Variants in CCSER1 observed in about 807,000 individuals in gnomAD.
CCSER1 encodes coiled-coil serine rich protein 1, also known as serine-rich coiled-coil domain-containing protein 1.
Under a neutral mutation model 82.0 loss-of-function variants are expected in CCSER1, and 41 were observed. That is an observed-to-expected ratio of 0.50 (90% CI 0.39 to 0.65). The LOEUF (loss-of-function observed/expected upper bound fraction) is 0.65, where lower values mean the gene tolerates loss of function less well. Among genes scored for constraint, CCSER1 ranks in the 30% least tolerant of loss-of-function variants. The pLI, the probability that CCSER1 is intolerant of heterozygous loss-of-function variation, is 0.00. For synonymous variants in CCSER1, 414 were observed against 383.9 expected, an observed-to-expected ratio of 1.08 and a Z score of -0.92; for missense variants, 1,119 against 1,064.2, an observed-to-expected ratio of 1.05 and a Z score of -0.72.
chr4:90,612,866 A>T (rs1720515571), intron 5 of CCSER1, among the ~76,000 whole-genome samples: 1 of 152,178 alleles, frequency 6.6e-6, no homozygotes, highest in Non-Finnish European at 1.5e-5. Flanking sequence ...ATTACCTAAG[A>T]AGGGTCAGAG....
intron 1 of CCSER1, among the ~76,000 whole-genome samples, chr4:90,164,209 T>C (rs973319647): frequency 2.0e-5 from 3 of 152,024 alleles, no homozygotes; most frequent in Admixed American, 6.6e-5. Flanking sequence ...AAGGGTTTTT[T>C]TTCAAATCAT....
intron 10 of CCSER1, among the ~76,000 whole-genome samples, chr4:91,398,868 C>G (rs992324736): frequency 6.6e-6 from 1 of 151,750 alleles, no homozygotes; most frequent in Admixed American, 6.6e-5. Context: ...AGTTTCTTAG[C>G]TCAGGGTAGA....
chr4:90,879,747 G>T (rs908143670), intron 8 of CCSER1, among the ~76,000 whole-genome samples: 9 of 152,274 alleles, frequency 5.9e-5, no homozygotes, highest in African/African-American at 1.7e-4. Context: ...TGGTGCAGTT[G>T]TTTGGAGGAC....
intron 4 of CCSER1, among the ~76,000 whole-genome samples, chr4:90,434,921 C>T (rs751959622): frequency 2.4e-4 from 37 of 152,202 alleles, no homozygotes; most frequent in Non-Finnish European, 4.9e-4. Flanking sequence ...ATTTTCATAT[C>T]GGACAACAAT....
intron 1 of CCSER1, among the ~76,000 whole-genome samples, chr4:90,206,392 G>A (rs772616389): frequency 1.3e-4 from 20 of 152,056 alleles, no homozygotes; most frequent in South Asian, 4.2e-4. Flanking sequence ...ATTCTGGTAC[G>A]TTGTGTCTTG....
intron 8 of CCSER1, among the ~76,000 whole-genome samples, chr4:90,922,934 A>T (rs1418968784): frequency 1.3e-5 from 2 of 152,292 alleles, no homozygotes; most frequent in East Asian, 3.9e-4. Context: ...TTTTGGAAAG[A>T]AGAAGCATGA....
At chr4:90,823,174 T>G (rs1040615809) in intron 8 of CCSER1, among the ~76,000 whole-genome samples, 3 of 152,076 alleles carry the variant, frequency 2.0e-5, no homozygotes. Context: ...TTTTTGTGGG[T>G]CTGAATTCTA....
At chr4:91,312,361 G>T (rs1307301149) in intron 10 of CCSER1, among the ~76,000 whole-genome samples, 1 of 151,698 alleles carries the variant, frequency 6.6e-6, no homozygotes, top group Non-Finnish European at 1.5e-5. Context: ...GATGAGACAT[G>T]TATTAATTTT....
At chr4:90,322,434 T>A (rs1200869003) in intron 3 of CCSER1, among the ~76,000 whole-genome samples, 1 of 152,226 alleles carries the variant, frequency 6.6e-6, no homozygotes, top group Non-Finnish European at 1.5e-5. Context: ...TTTTATTCTT[T>A]TTGTTCATGA....
chr4:91,073,296 C>A (rs535069841), intron 9 of CCSER1, among the ~76,000 whole-genome samples: 1 of 151,866 alleles, frequency 6.6e-6, no homozygotes, highest in East Asian at 1.9e-4. Flanking sequence ...TTCAACATAG[C>A]CTAGGGGGTG....
intron 9 of CCSER1, among the ~76,000 whole-genome samples, chr4:90,939,631 C>G (rs979121529): frequency 2.0e-5 from 3 of 152,108 alleles, no homozygotes; most frequent in African/African-American, 7.2e-5. Context: ...ACTGAGAGTT[C>G]TACCTGTTGG....
At chr4:91,514,140 T>C (rs567278406) in intron 10 of CCSER1, among the ~76,000 whole-genome samples, 1 of 152,302 alleles carries the variant, frequency 6.6e-6, no homozygotes, top group Non-Finnish European at 1.5e-5. Flanking sequence ...ATCCCCTAGA[T>C]TTTGGTATGT....
At chr4:90,408,196 C>G (rs753149922) in intron 4 of CCSER1, among the ~76,000 whole-genome samples, 3 of 152,204 alleles carry the variant, frequency 2.0e-5, no homozygotes, top group Non-Finnish European at 1.5e-5. Flanking sequence ...CTGTAGGCTC[C>G]ACCTATGGGG....
intron 5 of CCSER1, among the ~76,000 whole-genome samples, chr4:90,492,354 G>T (rs983491604): frequency 1.3e-5 from 2 of 152,140 alleles, no homozygotes; most frequent in East Asian, 1.9e-4. Flanking sequence ...CTGTGGGATT[G>T]GTGGTTATAT....
intron 8 of CCSER1, among the ~76,000 whole-genome samples, chr4:90,860,775 G>A (rs1764992322): frequency 6.6e-6 from 1 of 151,624 alleles, no homozygotes; most frequent in South Asian, 2.1e-4. Flanking sequence ...GCCATATATG[G>A]TATTATTCCA....
At chr4:90,200,316 T>C (rs1737442072) in intron 1 of CCSER1, among the ~76,000 whole-genome samples, 2 of 152,170 alleles carry the variant, frequency 1.3e-5, no homozygotes, top group Admixed American at 1.3e-4. Flanking sequence ...CTGAGGATTA[T>C]GTAATTAATA....
At chr4:90,928,082 G>T (rs1024575507) in intron 9 of CCSER1, among the ~76,000 whole-genome samples, 7 of 151,848 alleles carry the variant, frequency 4.6e-5, no homozygotes, top group Non-Finnish European at 8.8e-5. Flanking sequence ...GCATTTATTA[G>T]AAAAAAGTGA....
intron 1 of CCSER1, among the ~76,000 whole-genome samples, chr4:90,272,601 G>A (rs891109695): frequency 2.0e-5 from 3 of 152,088 alleles, no homozygotes; most frequent in African/African-American, 7.2e-5. Flanking sequence ...AAGAGATATG[G>A]ACACTCCTAT....
Position 90,309,121 on chromosome 4 carries a change from C to G in CCSER1, c.837C>G (p.Ser279Arg). 1.2e-6 allele frequency: 2 copies of G among 1,613,892 alleles called. No individual in the cohort carries two copies. The highest frequency in any genetic ancestry group is 2.2e-5 in the East Asian group (1 of 44,880). ...SEMDAFSKSG[S>R]MASHCDNFGH... ...TGGATGCATTTTCTAAAAGTGGAAG[C>G]ATGGCATCCCACTGTGACAACTTTG... Residue 279 changes from serine to arginine, a missense_variant, in exon 2 of 11, where the codon AGC becomes AGG. Transcript: ENST00000509176.
Sources: allele counts gnomAD v4.1 joint callset (sites outside exome capture counted in the v4.1 genomes callset), GRCh38; gene constraint gnomAD v4.1.1; transcripts MANE v1.5; gene names NCBI Gene and HGNC (gene_info 2026-07-23, HGNC 2026-07-21).